The following FCHSD2 variants were observed in gnomAD, a reference collection of about 807,000 sequenced individuals.
FCHSD2 encodes FCH and double SH3 domains 2, also known as F-BAR and double SH3 domains protein 2.
In FCHSD2, 38 loss-of-function variants were observed where a neutral mutation model predicts 108.1. That is an observed-to-expected ratio of 0.35 (90% CI 0.27 to 0.46). The LOEUF (loss-of-function observed/expected upper bound fraction) is 0.46. FCHSD2 is among the 20% of genes least tolerant of loss of function. FCHSD2 has a pLI of 1.00. For missense variants in FCHSD2, 751 were observed against 897.8 expected, an observed-to-expected ratio of 0.84 and a Z score of 2.09; for synonymous variants, 279 against 314.7, an observed-to-expected ratio of 0.89 and a Z score of 1.20.
chr11:72,866,271 G>GTTTTT (rs532751127), intron 13 of FCHSD2, among the ~76,000 whole-genome samples: 2 of 111,916 alleles, frequency 1.8e-5, no homozygotes, highest in East Asian at 5.6e-4. Flanking sequence ...GTTTTGTTTT[G>GTTTTT]TTTTTTTTGT....
rs1392450143 is a variant in FCHSD2 at position 72,838,934 on chromosome 11, C to A, written c.2140-60G>T. 3.4e-6 allele frequency: 5 copies of A among 1,455,896 alleles called. No homozygotes were observed. In the South Asian group the frequency reaches 4.8e-5, roughly 14 times the overall value. 90.2% of individuals were successfully genotyped at this position (1,455,896 alleles called of 1,614,324 possible). On this transcript the variant is annotated intron_variant, in intron 19 of 19. Coordinates refer to ENST00000409418, the MANE Select transcript of FCHSD2 (RefSeq NM_014824.3). Reference sequence around the variant, plus strand: ...GTTCCTGACTCAGTATCTGAAGCATCCCCAAAACCTAATCACTCATCTGTC... The same window carrying A: ...GTTCCTGACTCAGTATCTGAAGCATACCCAAAACCTAATCACTCATCTGTC...
chr11:73,048,634 C>T lies in FCHSD2; in HGVS notation c.166-32749G>A, dbSNP rs559441974. 8.5e-5 allele frequency among the ~76,000 whole-genome samples: 13 copies of T among 152,154 alleles called. No individual in the cohort carries two copies. In the East Asian group the frequency reaches 1.7e-3, roughly 20 times the overall value. On this transcript the variant is annotated intron_variant, in intron 3 of 19. Transcript: ENST00000409418. The stretch of plus-strand genomic sequence containing the variant: ...GGCAAGTTCTTCTTACAGTAAGTGC[C>T]GGAAGTACGAAAAAGCTGGAAATAA...
chr11:72,909,732 G>A (rs550124059), intron 9 of FCHSD2, among the ~76,000 whole-genome samples: 26 of 129,940 alleles, frequency 2.0e-4, no homozygotes, highest in East Asian at 1.8e-3. Context: ...CCGCCACCCC[G>A]TCTGGTAGGT....
chr11:72,945,347 T>G (rs1470766634), intron 8 of FCHSD2, among the ~76,000 whole-genome samples: 1 of 152,236 alleles, frequency 6.6e-6, no homozygotes, highest in Non-Finnish European at 1.5e-5. Context: ...GCTAGCCATA[T>G]GTAGAAAGCT....
At chr11:72,998,291 G>A (rs1413272282) in intron 5 of FCHSD2, among the ~76,000 whole-genome samples, 2 of 152,164 alleles carry the variant, frequency 1.3e-5, no homozygotes, top group African/African-American at 4.8e-5. Flanking sequence ...TGTAATCCCC[G>A]CACTTTTGGA....
chr11:73,068,175 G>A (rs577028778), intron 3 of FCHSD2, among the ~76,000 whole-genome samples: 2 of 151,970 alleles, frequency 1.3e-5, no homozygotes, highest in Non-Finnish European at 2.9e-5. Context: ...TTTGGGTGGG[G>A]GCACAGGCAA....
intron 5 of FCHSD2, among the ~76,000 whole-genome samples, chr11:72,992,737 C>T (rs1300713932): frequency 2.0e-5 from 3 of 152,128 alleles, no homozygotes; most frequent in African/African-American, 7.2e-5. Context: ...CCCTTCCTTA[C>T]ACCTTATACA....
At chr11:72,857,115 A>G (rs1861446287) in intron 13 of FCHSD2, among the ~76,000 whole-genome samples, 1 of 152,126 alleles carries the variant, frequency 6.6e-6, no homozygotes, top group South Asian at 2.1e-4. Context: ...TTTGGAGTTG[A>G]TTTTTGGATT....
At chr11:73,110,201 T>C (rs563140222) in intron 2 of FCHSD2, among the ~76,000 whole-genome samples, 21 of 152,198 alleles carry the variant, frequency 1.4e-4, no homozygotes, top group Admixed American at 1.2e-3. Context: ...ACTGCTGGCC[T>C]CACAGAATGA....
chr11:73,123,104 AAAG>A (rs1482313875), intron 2 of FCHSD2, among the ~76,000 whole-genome samples: 2 of 152,224 alleles, frequency 1.3e-5, no homozygotes, highest in East Asian at 1.9e-4. Flanking sequence ...TATATACATT[AAAG>A]AAGGGAGAAA....
intron 3 of FCHSD2, among the ~76,000 whole-genome samples, chr11:73,028,017 G>A (rs1858268996): frequency 6.6e-6 from 1 of 152,258 alleles, no homozygotes. Context: ...GAAGTCTGCT[G>A]CAGGGGCAGA....
chr11:73,018,074 T>C (rs1455563060), intron 3 of FCHSD2, among the ~76,000 whole-genome samples: 1 of 152,196 alleles, frequency 6.6e-6, no homozygotes, highest in African/African-American at 2.4e-5. Context: ...AACTCATGTA[T>C]TTTAAATAAT....
chr11:73,020,381 T>G (rs1858072689), intron 3 of FCHSD2, among the ~76,000 whole-genome samples: 1 of 152,206 alleles, frequency 6.6e-6, no homozygotes, highest in Non-Finnish European at 1.5e-5. Flanking sequence ...AATATTTAAA[T>G]TTTACTAAGG....
chr11:72,884,371 T>C (rs780487284), intron 12 of FCHSD2, among the ~76,000 whole-genome samples: 2 of 151,614 alleles, frequency 1.3e-5, no homozygotes, highest in African/African-American at 2.4e-5. Flanking sequence ...AGTAAAAAAA[T>C]AAAAGTGATT....
intron 2 of FCHSD2, among the ~76,000 whole-genome samples, chr11:73,095,132 T>C (rs1445475814): frequency 6.6e-6 from 1 of 152,162 alleles, no homozygotes; most frequent in African/African-American, 2.4e-5. Context: ...AAATTAGAAG[T>C]GTTCTTATTT....
intron 8 of FCHSD2, among the ~76,000 whole-genome samples, chr11:72,947,147 G>A (rs982827262): frequency 5.9e-5 from 9 of 152,234 alleles, no homozygotes; most frequent in African/African-American, 2.2e-4. Flanking sequence ...CAACAATGCT[G>A]TAGGTACGAA....
chr11:73,027,582 A>G (rs1858257707), intron 3 of FCHSD2, among the ~76,000 whole-genome samples: 1 of 152,240 alleles, frequency 6.6e-6, no homozygotes, highest in Admixed American at 6.5e-5. Context: ...AAGAAAAACC[A>G]ATTTTCTGAA....
chr11:73,108,911 T>C (rs530212518), intron 2 of FCHSD2, among the ~76,000 whole-genome samples: 1 of 152,348 alleles, frequency 6.6e-6, no homozygotes, highest in South Asian at 2.1e-4. Flanking sequence ...GGTTTTTATA[T>C]ATGGCAAGAG....
At chr11:73,014,797 A>AGC (rs1021920935) in intron 4 of FCHSD2, among the ~76,000 whole-genome samples, 1 of 152,172 alleles carries the variant, frequency 6.6e-6, no homozygotes, top group African/African-American at 2.4e-5. Flanking sequence ...ACAACTCCTG[A>AGC]GCGTAAAAGA....
Sources: gnomAD v4.1 joint callset for allele counts (sites outside exome capture counted in the v4.1 genomes callset) on GRCh38, gnomAD v4.1.1 for gene constraint, MANE v1.5 for transcripts, NCBI Gene and HGNC (gene_info 2026-07-23, HGNC 2026-07-21) for gene names.